The following SAXO1 variants were observed in gnomAD, a reference collection of about 807,000 sequenced individuals.
The protein encoded by SAXO1 is stabilizer of axonemal microtubules 1, also known as 4930500O09Rik.
A neutral mutation model predicts 17.5 loss-of-function variants in SAXO1; 21 were observed. The observed-to-expected ratio is 1.20, with a 90% CI of 0.85 to 1.72. The LOEUF (loss-of-function observed/expected upper bound fraction) is 1.72. Ranked by LOEUF, SAXO1 falls within the 40% of genes most tolerant of loss-of-function variation. The pLI, the probability that SAXO1 is intolerant of heterozygous loss-of-function variation, is 0.00. For synonymous variants in SAXO1, 274 were observed against 216.5 expected (o/e 1.27, Z -2.33); for missense variants, 843 against 596.0 (o/e 1.41, Z -4.32).
chr9:18,974,190 G>A (rs575734668), intron 1 of SAXO1, among the ~76,000 whole-genome samples: 5 of 152,338 alleles, frequency 3.3e-5, no homozygotes, highest in East Asian at 1.9e-4. Context: ...AAAATAGAAG[G>A]AGCCAGGTTC....
At chr9:18,941,149 C>G (rs895085238) in intron 3 of SAXO1, among the ~76,000 whole-genome samples, 29 of 152,112 alleles carry the variant, frequency 1.9e-4, no homozygotes, top group African/African-American at 6.5e-4. Flanking sequence ...GTGGTAGAAA[C>G]TAACTTAGCC....
intron 1 of SAXO1, chr9:19,028,139 C>T (rs1402538213): frequency 6.3e-6 from 10 of 1,579,660 alleles, no homozygotes; most frequent in East Asian, 4.5e-5. Flanking sequence ...GCCTAGGGCA[C>T]GGCAGGCCAG....
At chr9:19,022,778 T>G (rs1328347972) in intron 1 of SAXO1, among the ~76,000 whole-genome samples, 1 of 152,204 alleles carries the variant, frequency 6.6e-6, no homozygotes, top group African/African-American at 2.4e-5. Context: ...GCAGCTAATT[T>G]GACAGCCATT....
intron 1 of SAXO1, among the ~76,000 whole-genome samples, chr9:18,971,594 C>T (rs981195219): frequency 1.3e-5 from 2 of 152,216 alleles, no homozygotes; most frequent in Middle Eastern, 3.4e-3. Flanking sequence ...TTATAAGACA[C>T]CCCCTACTTT....
At chr9:18,937,595 T>G (rs924732998) in intron 3 of SAXO1, among the ~76,000 whole-genome samples, 10 of 152,112 alleles carry the variant, frequency 6.6e-5, no homozygotes, top group African/African-American at 2.2e-4. Context: ...TATTGGGAGG[T>G]GAGGCCTTTT....
chr9:18,996,731 T>A (rs1834019342), intron 1 of SAXO1, among the ~76,000 whole-genome samples: 2 of 152,030 alleles, frequency 1.3e-5, no homozygotes, highest in African/African-American at 4.8e-5. Flanking sequence ...ACAGTGAACA[T>A]CATACTTAAT....
chr9:18,937,180 C>T (rs1276268587), intron 3 of SAXO1, among the ~76,000 whole-genome samples: 1 of 152,208 alleles, frequency 6.6e-6, no homozygotes, highest in East Asian at 1.9e-4. Flanking sequence ...AAGGGCGTGA[C>T]CCCTCATAAA....
chr9:19,024,336 G>T (rs895888478), intron 1 of SAXO1, among the ~76,000 whole-genome samples: 1 of 151,356 alleles, frequency 6.6e-6, no homozygotes, highest in Non-Finnish European at 1.5e-5. Context: ...TAAGAATATC[G>T]CAAGGACAAA....
intron 1 of SAXO1, among the ~76,000 whole-genome samples, chr9:19,025,184 A>T (rs1378899512): frequency 1.3e-5 from 2 of 152,184 alleles, no homozygotes; most frequent in African/African-American, 4.8e-5. Flanking sequence ...TTAACGTGAA[A>T]GTTTTTCTTT....
intron 1 of SAXO1, among the ~76,000 whole-genome samples, chr9:18,961,682 G>C (rs1188740764): frequency 1.3e-5 from 2 of 152,094 alleles, no homozygotes; most frequent in African/African-American, 4.8e-5. Context: ...CTTTTTTATG[G>C]CTGCACAGTA....
chr9:19,041,212 TA>T (rs1395452107), intron 1 of SAXO1, among the ~76,000 whole-genome samples: 7 of 142,810 alleles, frequency 4.9e-5, no homozygotes, highest in African/African-American at 1.6e-4. Context: ...CAAATAAAAT[TA>T]AATACCTAAG....
Position 18,959,317 on chromosome 9 carries a change from A to G in SAXO1, c.39-8380T>C, listed in dbSNP as rs142175632. 2.6e-5 allele frequency among the ~76,000 whole-genome samples: 4 copies of G among 152,286 alleles called. No homozygotes were observed. In the East Asian group the frequency reaches 7.7e-4, roughly 29 times the overall value. ...AGGAATACTCTGATGAACAAAAATA[A>G]TCGGTGGAAAAAGAGCCTGGACTGG... On this transcript the variant is annotated intron_variant, in intron 1 of 3. Coordinates refer to ENST00000380534, the MANE Select transcript of SAXO1 (RefSeq NM_153707.4).
At chr9:18,967,196 G>A (rs765713136) in intron 1 of SAXO1, among the ~76,000 whole-genome samples, 2 of 152,222 alleles carry the variant, frequency 1.3e-5, no homozygotes, top group East Asian at 1.9e-4. Flanking sequence ...CTGCTGGGAG[G>A]TGTCTCCCAG....
intron 1 of SAXO1, among the ~76,000 whole-genome samples, chr9:18,975,693 A>G (rs1462920762): frequency 6.6e-6 from 1 of 152,210 alleles, no homozygotes; most frequent in Non-Finnish European, 1.5e-5. Context: ...ACACTATGTA[A>G]ATGAGACCAT....
chr9:19,031,714 A>G (rs1835782616), intron 1 of SAXO1, among the ~76,000 whole-genome samples: 1 of 152,214 alleles, frequency 6.6e-6, no homozygotes, highest in South Asian at 2.1e-4. Flanking sequence ...AGTCCTAGCA[A>G]ATGGCCAGAA....
At chr9:19,016,927 G>A (rs1034909833) in intron 1 of SAXO1, among the ~76,000 whole-genome samples, 8 of 150,678 alleles carry the variant, frequency 5.3e-5, no homozygotes, top group African/African-American at 1.2e-4. Context: ...AAAGTGAGAC[G>A]CCCCTGACAA....
At chr9:18,982,164 T>G (rs559336745) in intron 1 of SAXO1, among the ~76,000 whole-genome samples, 12 of 152,318 alleles carry the variant, frequency 7.9e-5, no homozygotes, top group South Asian at 2.1e-4. Context: ...AGCCAAAACC[T>G]GCCACAATCC....
chr9:18,977,993 C>CAAAAAAAAAA (rs371914686), intron 1 of SAXO1, among the ~76,000 whole-genome samples: 6 of 98,662 alleles, frequency 6.1e-5, no homozygotes, highest in African/African-American at 2.5e-4. Context: ...GAGACCCTGC[C>CAAAAAAAAAA]AAAAAAAAAA....
intron 1 of SAXO1, among the ~76,000 whole-genome samples, chr9:18,952,430 G>A (rs1038913978): frequency 7.9e-5 from 12 of 152,198 alleles, no homozygotes; most frequent in Non-Finnish European, 1.5e-4. Flanking sequence ...CTGGCATGCT[G>A]CTCCTGCTAG....
Sources: allele counts gnomAD v4.1 joint callset (sites outside exome capture counted in the v4.1 genomes callset), GRCh38; gene constraint gnomAD v4.1.1; transcripts MANE v1.5; gene names NCBI Gene and HGNC (gene_info 2026-07-23, HGNC 2026-07-21).